The following ANGPT1 variants were observed in gnomAD, a reference collection of about 807,000 sequenced individuals.
ANGPT1 encodes angiopoietin 1.
ANGPT1 carries 17 observed loss-of-function variants against 62.2 expected under a neutral mutation model. The observed-to-expected ratio is 0.27, with a 90% CI of 0.19 to 0.41. The LOEUF (loss-of-function observed/expected upper bound fraction) is 0.41, where lower values mean the gene tolerates loss of function less well. Among genes scored for constraint, ANGPT1 ranks in the 10% least tolerant of loss-of-function variants. The pLI is 1.00. For missense variants in ANGPT1, 478 were observed against 594.9 expected, an observed-to-expected ratio of 0.80 and a Z score of 2.04; for synonymous variants, 199 against 198.9, an observed-to-expected ratio of 1.00 and a Z score of 0.00.
chr8:107,475,034 T>C (rs1314237243), intron 1 of ANGPT1, among the ~76,000 whole-genome samples: 2 of 152,256 alleles, frequency 1.3e-5, no homozygotes, highest in East Asian at 1.9e-4. Flanking sequence ...GATTCAATGC[T>C]ATCCCCATCA....
chr8:107,312,213 C>T (rs776697778), intron 4 of ANGPT1, among the ~76,000 whole-genome samples: 1 of 152,160 alleles, frequency 6.6e-6, no homozygotes, highest in Non-Finnish European at 1.5e-5. Flanking sequence ...TGGGCAGTTA[C>T]GAATGCTGCA....
chr8:107,467,924 G>C (rs972775360), intron 1 of ANGPT1, among the ~76,000 whole-genome samples: 3 of 152,198 alleles, frequency 2.0e-5, no homozygotes, highest in Middle Eastern at 3.4e-3. Flanking sequence ...ATGTTAGACA[G>C]CATTAAATCC....
chr8:107,328,759 C>T (rs138656140), intron 3 of ANGPT1, among the ~76,000 whole-genome samples: 7 of 151,652 alleles, frequency 4.6e-5, no homozygotes, highest in Non-Finnish European at 1.0e-4. Context: ...CTGAAGAAGC[C>T]GAGATTAATT....
chr8:107,353,585 G>A (rs752438479), intron 1 of ANGPT1, among the ~76,000 whole-genome samples: 2 of 152,036 alleles, frequency 1.3e-5, no homozygotes, highest in Non-Finnish European at 1.5e-5. Context: ...CTGCCCCCTG[G>A]TCATTGAGCC....
intron 1 of ANGPT1, among the ~76,000 whole-genome samples, chr8:107,382,188 G>T (rs1047099194): frequency 6.6e-6 from 1 of 152,080 alleles, no homozygotes; most frequent in African/African-American, 2.4e-5. Context: ...AGTAATGGAA[G>T]AAATATATTA....
intron 4 of ANGPT1, among the ~76,000 whole-genome samples, chr8:107,310,298 G>A (rs376867570): frequency 4.6e-5 from 7 of 152,236 alleles, no homozygotes; most frequent in Non-Finnish European, 1.0e-4. Context: ...TACATGGGAA[G>A]TTGAAGCTCA....
intron 6 of ANGPT1, among the ~76,000 whole-genome samples, chr8:107,291,618 G>A (rs1814278099): frequency 6.6e-6 from 1 of 151,692 alleles, no homozygotes; most frequent in Admixed American, 6.6e-5. Context: ...TCACCATATT[G>A]GCCAAGATGG....
intron 1 of ANGPT1, among the ~76,000 whole-genome samples, chr8:107,415,951 A>T (rs909281448): frequency 6.6e-6 from 1 of 152,168 alleles, no homozygotes; most frequent in African/African-American, 2.4e-5. Flanking sequence ...ATTGTCCATT[A>T]TAGGGGAGTG....
At chr8:107,469,757 C>CT (rs939334134) in intron 1 of ANGPT1, among the ~76,000 whole-genome samples, 12 of 151,962 alleles carry the variant, frequency 7.9e-5, no homozygotes, top group Non-Finnish European at 5.9e-5. Context: ...GCAATACATG[C>CT]TTTTTTTGTA....
intron 8 of ANGPT1, among the ~76,000 whole-genome samples, chr8:107,256,301 A>T (rs985980549): frequency 6.6e-6 from 1 of 152,250 alleles, no homozygotes; most frequent in Non-Finnish European, 1.5e-5. Flanking sequence ...GTTTTCTTTG[A>T]TATATACATT....
Position 107,433,341 on chromosome 8 carries a change from G to T in ANGPT1, c.297+63921C>A, listed in dbSNP as rs73699703. Among the ~76,000 whole-genome samples, 409 of 152,236 alleles carry T rather than the reference G, an allele frequency of 2.7e-3. 3 individuals are homozygous for T. The highest frequency in any genetic ancestry group is 9.4e-3 in the African/African-American group (392 of 41,528). On this transcript the variant is annotated intron_variant, in intron 1 of 8. Transcript: ENST00000517746. Reference sequence around the variant, plus strand: ...AAGGAATATTCTATTGCAAGTGATTGGATAGGTAAGTGTTTTTCCCCTAGG... The same window carrying T: ...AAGGAATATTCTATTGCAAGTGATTTGATAGGTAAGTGTTTTTCCCCTAGG...
intron 1 of ANGPT1, among the ~76,000 whole-genome samples, chr8:107,378,681 G>T (rs1267273225): frequency 6.6e-6 from 1 of 151,974 alleles, no homozygotes; most frequent in Non-Finnish European, 1.5e-5. Flanking sequence ...ATGATAGTGA[G>T]TTCTTGCGAG....
At chr8:107,375,025 T>A (rs2130255394) in intron 1 of ANGPT1, among the ~76,000 whole-genome samples, 1 of 152,194 alleles carries the variant, frequency 6.6e-6, no homozygotes, top group East Asian at 1.9e-4. Flanking sequence ...CTGGGCGTGG[T>A]GGCACGCGCC....
intron 7 of ANGPT1, among the ~76,000 whole-genome samples, chr8:107,267,322 T>A (rs1377877044): frequency 3.3e-5 from 5 of 152,162 alleles, no homozygotes; most frequent in Non-Finnish European, 7.4e-5. Context: ...GAATATATCA[T>A]CAATAGTCAC....
chr8:107,485,915 T>C (rs1812801590), intron 1 of ANGPT1, among the ~76,000 whole-genome samples: 1 of 152,226 alleles, frequency 6.6e-6, no homozygotes, highest in South Asian at 2.1e-4. Flanking sequence ...AATTAAGCTC[T>C]ATAACTTCAA....
At chr8:107,402,474 C>T (rs1329337639) in intron 1 of ANGPT1, among the ~76,000 whole-genome samples, 1 of 152,198 alleles carries the variant, frequency 6.6e-6, no homozygotes, top group Non-Finnish European at 1.5e-5. Context: ...ATATCAGTTA[C>T]TAAGATAGCA....
At chr8:107,434,395 G>A (rs1811280930) in intron 1 of ANGPT1, among the ~76,000 whole-genome samples, 1 of 152,118 alleles carries the variant, frequency 6.6e-6, no homozygotes, top group Non-Finnish European at 1.5e-5. Context: ...GTTTTTAAGT[G>A]GGGGATTTGA....
chr8:107,445,471 A>G (rs1586328445), intron 1 of ANGPT1, among the ~76,000 whole-genome samples: 1 of 152,132 alleles, frequency 6.6e-6, no homozygotes, highest in African/African-American at 2.4e-5. Flanking sequence ...GGTCAGCTAA[A>G]ATTGGATGAC....
rs571671640 is a variant in ANGPT1, at chr8:107,413,289, C to G, written c.298-66192G>C. 8.8e-4 allele frequency among the ~76,000 whole-genome samples: 134 copies of G among 152,226 alleles called. 1 individual carries two copies. The highest frequency in any genetic ancestry group is 1.4e-3 in the Non-Finnish European group (98 of 68,004). ...CTTCGTGTTAACTCTTCTTCCTGGT[C>G]CCCTTGGAACAGCTTCAGGCTGGAA... On this transcript the variant is annotated intron_variant, in intron 1 of 8. Coordinates refer to ENST00000517746, the MANE Select transcript of ANGPT1 (RefSeq NM_001146.5).
Sources: allele counts gnomAD v4.1 joint callset (sites outside exome capture counted in the v4.1 genomes callset), GRCh38; gene constraint gnomAD v4.1.1; transcripts MANE v1.5; gene names NCBI Gene and HGNC (gene_info 2026-07-23, HGNC 2026-07-21).